MRPS6: variants seen among roughly 807,000 people sequenced by gnomAD.
The protein encoded by MRPS6 is small ribosomal subunit protein bS6m.
Under a neutral mutation model 13.1 loss-of-function variants are expected in MRPS6, and 6 were observed. The ratio of observed to expected loss-of-function variants is 0.46; its 90% CI spans 0.25 to 0.91. The LOEUF (loss-of-function observed/expected upper bound fraction) is 0.91. MRPS6 is among the 40% of genes least tolerant of loss of function. The pLI is 0.18. For missense variants in MRPS6, 164 were observed against 155.6 expected, an observed-to-expected ratio of 1.05 and a Z score of -0.29; for synonymous variants, 61 against 56.5, an observed-to-expected ratio of 1.08 and a Z score of -0.36.
chr21:34,102,827 A>C, intron 1 of MRPS6: 1 of 1,000,088 alleles, frequency 1.0e-6, no homozygotes, highest in Non-Finnish European at 1.2e-6. Flanking sequence ...TTTTCCCCTC[A>C]CTTCTAGGTT....
intron 1 of MRPS6, among the ~76,000 whole-genome samples, chr21:34,092,832 G>C (rs1460766514): frequency 6.6e-6 from 1 of 152,110 alleles, no homozygotes; most frequent in Non-Finnish European, 1.5e-5. Context: ...TGGAAAGCAC[G>C]TGGTTGCTAC....
chr21:34,125,428 C>T lies in MRPS6; in HGVS notation c.133C>T (p.Arg45Ter), dbSNP rs1298257515. 9 of 1,613,946 alleles carry T rather than the reference C, an allele frequency of 5.6e-6. No homozygotes were observed. The highest frequency in any genetic ancestry group is 1.7e-5 in the Admixed American group (1 of 59,996). The stretch of plus-strand genomic sequence containing the variant: ...GAGGGACTTGGAAAACCTGGGTGAA[C>T]GAGCGCTTCCTTATAGGATCTCTGC... ...IVRDLENLGE[R>*]ALPYRISAHS... The change falls in exon 2 of 3, where the codon CGA becomes TGA. Residue 45 changes from arginine (R) to a stop codon, truncating the protein, a stop_gained. Transcript: ENST00000399312. LOFTEE classifies it high-confidence loss of function.
chr21:34,125,341 C>T lies in MRPS6; in HGVS notation c.46C>T (p.Pro16Ser), dbSNP rs1448476253. The part of the protein sequence containing the change: ...LALILKAMQR[P>S]ETAATLKRTI... ...TCTTTAAAAACACAAACAAAAACAGCCAGAGACTGCTGCTACTTTGAAACG... is the reference window on the plus strand; with the variant it reads ...TCTTTAAAAACACAAACAAAAACAGTCAGAGACTGCTGCTACTTTGAAACG... Residue 16 changes from proline (P) to serine (S), a missense_variant and splice_region_variant, in exon 2 of 3, where the codon CCA becomes TCA. Pro to Ser is a moderately conservative substitution (Grantham distance 74). Coordinates refer to ENST00000399312, the MANE Select transcript of MRPS6 (RefSeq NM_032476.4). The T allele has an allele frequency of 3.1e-6, 5 of 1,606,504 alleles. No homozygotes were observed. The Admixed American group carries it at 8.6e-5, about 28-fold the overall frequency.
intron 1 of MRPS6, among the ~76,000 whole-genome samples, chr21:34,085,294 A>G (rs1401514718): frequency 6.6e-6 from 1 of 152,166 alleles, no homozygotes; most frequent in Non-Finnish European, 1.5e-5. Flanking sequence ...TAGATTAGCC[A>G]TTGTTGACAG....
chr21:34,088,088 G>A (rs558158387), intron 1 of MRPS6, among the ~76,000 whole-genome samples: 3 of 152,294 alleles, frequency 2.0e-5, no homozygotes, highest in South Asian at 4.1e-4. Context: ...TCCATTAAGA[G>A]CAGTTGTCCA....
At chr21:34,130,355 G>A (rs999318530) in intron 2 of MRPS6, among the ~76,000 whole-genome samples, 8 of 152,196 alleles carry the variant, frequency 5.3e-5, no homozygotes, top group Admixed American at 2.6e-4. Flanking sequence ...TAGGGGAGTC[G>A]GGGAAGGGCT....
At position 34,106,272 on chromosome 21, in the gene MRPS6, C is replaced by CT. The variant is rs139316673; in HGVS notation, c.46-19068dup. On this transcript the variant is annotated intron_variant, in intron 1 of 2. Coordinates refer to ENST00000399312, the MANE Select transcript of MRPS6 (RefSeq NM_032476.4). The stretch of plus-strand genomic sequence containing the variant: ...AAATGAAAAATTTATATTTCTGTGA[C>CT]TAAGTATTTTCAGTATGAACACTGC... 2.0e-3 allele frequency: 1,399 copies of CT among 703,290 alleles called. 21 individuals are homozygous for CT. In the African/African-American group the frequency reaches 0.025, roughly 13 times the overall value. 43.6% of individuals were successfully genotyped at this position (703,290 alleles called of 1,614,324 possible). A position where few individuals can be genotyped will look rare whatever the true frequency, so the allele number is the denominator to read the frequency against.
intron 2 of MRPS6, among the ~76,000 whole-genome samples, chr21:34,128,185 C>T (rs368022414): frequency 3.3e-5 from 5 of 152,186 alleles, no homozygotes; most frequent in African/African-American, 1.2e-4. Context: ...AGTTTTCAGT[C>T]TAATCAGAGA....
intron 1 of MRPS6, chr21:34,099,679 T>C (rs1448396241): frequency 1.0e-6 from 1 of 998,116 alleles, no homozygotes; most frequent in Non-Finnish European, 1.2e-6. Context: ...TTCTTTCTGC[T>C]CTTGTCTTAG....
At position 34,100,975 on chromosome 21, in the gene MRPS6, T is replaced by G. The variant is rs920931645; in HGVS notation, c.46-24366T>G. 9.0e-6 allele frequency: 9 copies of G among 1,000,092 alleles called. No individual in the cohort carries two copies. In the African/African-American group the frequency reaches 1.4e-4, roughly 16 times the overall value. The allele number at this position is 1,000,092 out of a possible 1,614,324, so 62.0% of individuals were successfully genotyped here. A position where few individuals can be genotyped will look rare whatever the true frequency, so the allele number is the denominator to read the frequency against. On this transcript the variant is annotated intron_variant, in intron 1 of 2. Coordinates refer to ENST00000399312, the MANE Select transcript of MRPS6 (RefSeq NM_032476.4). ...TTATGATGATTCTCCTGGCTCATTT[T>G]CATCAGAGGCATGATGACTGGAAAG... is the stretch of plus-strand genomic sequence containing the variant.
chr21:34,118,337 G>A (rs1980000898), intron 1 of MRPS6, among the ~76,000 whole-genome samples: 1 of 152,070 alleles, frequency 6.6e-6, no homozygotes, highest in East Asian at 1.9e-4. Context: ...TAGAGAAAAA[G>A]CAAGTTTTTT....
intron 1 of MRPS6, chr21:34,103,882 A>T: frequency 1.0e-6 from 1 of 1,000,210 alleles, no homozygotes. Flanking sequence ...TTTTACTGCA[A>T]CTTGAAACTG....
In MRPS6 at chr21:34,099,338, C is replaced by G. The variant is rs904263559; in HGVS notation, c.45+25593C>G. On this transcript the variant is annotated intron_variant, in intron 1 of 2. Coordinates refer to ENST00000399312, the MANE Select transcript of MRPS6 (RefSeq NM_032476.4). ...AAGAACAGAAACCAGGTCTCCAAAT[C>G]TGGACTCATGGTTTGTTCAGATGTG... 3 of 1,000,222 alleles carry G rather than the reference C, an allele frequency of 3.0e-6. No homozygotes were observed. The South Asian group carries it at 1.4e-4, about 47-fold the overall frequency. The allele number at this position is 1,000,222 out of a possible 1,614,324, so 62.0% of individuals were successfully genotyped here.
intron 2 of MRPS6, among the ~76,000 whole-genome samples, chr21:34,134,537 A>C (rs1459001085): frequency 6.6e-6 from 1 of 152,196 alleles, no homozygotes; most frequent in Non-Finnish European, 1.5e-5. Context: ...GCATATATTT[A>C]AAGTGTATAA....
At chr21:34,081,483 TG>T (rs1989457819) in intron 1 of MRPS6, among the ~76,000 whole-genome samples, 1 of 152,188 alleles carries the variant, frequency 6.6e-6, no homozygotes, top group Non-Finnish European at 1.5e-5. Context: ...CTATTATAAA[TG>T]AGTAGAAAAA....
chr21:34,106,854 T>C (rs565090990), intron 1 of MRPS6, among the ~76,000 whole-genome samples: 6 of 152,334 alleles, frequency 3.9e-5, no homozygotes, highest in African/African-American at 9.6e-5. Context: ...GCCAGTTCAT[T>C]GCATTTAGCT....
At chr21:34,139,443 A>G (rs1046034130) in intron 2 of MRPS6, among the ~76,000 whole-genome samples, 1 of 152,170 alleles carries the variant, frequency 6.6e-6, no homozygotes, top group African/African-American at 2.4e-5. Context: ...CTTTAATAAG[A>G]TATAGGGCTT....
chr21:34,097,143 G>C, intron 1 of MRPS6: 1 of 1,614,060 alleles, frequency 6.2e-7, no homozygotes, highest in Non-Finnish European at 8.5e-7. Flanking sequence ...GAAAGAAACG[G>C]ATGATGGAGG....
chr21:34,086,957 G>T (rs1343728261), intron 1 of MRPS6, among the ~76,000 whole-genome samples: 1 of 152,138 alleles, frequency 6.6e-6, no homozygotes, highest in Non-Finnish European at 1.5e-5. Context: ...AGACAGACAC[G>T]CACAGGGAAG....
Sources: gnomAD v4.1 joint callset for allele counts (sites outside exome capture counted in the v4.1 genomes callset) on GRCh38, gnomAD v4.1.1 for gene constraint, MANE v1.5 for transcripts, NCBI Gene and HGNC (gene_info 2026-07-23, HGNC 2026-07-21) for gene names.